The following CDK14 variants were observed in gnomAD, a reference collection of about 807,000 sequenced individuals.
CDK14 encodes the protein cyclin dependent kinase 14.
A neutral mutation model predicts 60.7 loss-of-function variants in CDK14; 34 were observed. That is an observed-to-expected ratio of 0.56 (90% CI 0.43 to 0.75). The LOEUF (loss-of-function observed/expected upper bound fraction) is 0.75. Among genes scored for constraint, CDK14 ranks in the 30% least tolerant of loss-of-function variants. The pLI is 0.00. For missense variants in CDK14, 482 were observed against 564.1 expected (o/e 0.85, Z 1.47); for synonymous variants, 197 against 203.7 (o/e 0.97, Z 0.28).
intron 4 of CDK14, among the ~76,000 whole-genome samples, chr7:90,749,994 G>C (rs1207555142): frequency 6.6e-6 from 1 of 152,100 alleles, no homozygotes; most frequent in Non-Finnish European, 1.5e-5. Context: ...GGTTCTTACT[G>C]ATAAGTGCCA....
intron 4 of CDK14, among the ~76,000 whole-genome samples, chr7:90,770,371 T>G (rs975645929): frequency 2.0e-5 from 3 of 152,248 alleles, no homozygotes; most frequent in African/African-American, 7.2e-5. Flanking sequence ...TTATAGTCTG[T>G]TCTGAGGTTT....
At chr7:90,643,870 TAGTA>T (rs1190072217) in intron 2 of CDK14, among the ~76,000 whole-genome samples, 1 of 152,120 alleles carries the variant, frequency 6.6e-6, no homozygotes, top group Non-Finnish European at 1.5e-5. Flanking sequence ...ATATAGTAGA[TAGTA>T]AGGAGTGAAA....
chr7:90,865,945 A>G (rs1791165391), intron 6 of CDK14, among the ~76,000 whole-genome samples: 1 of 152,082 alleles, frequency 6.6e-6, no homozygotes, highest in Non-Finnish European at 1.5e-5. Context: ...ATTTTTATCA[A>G]TTTTAGTTAG....
At chr7:91,095,954 T>C (rs909340468) in intron 12 of CDK14, among the ~76,000 whole-genome samples, 2 of 148,704 alleles carry the variant, frequency 1.3e-5, no homozygotes, top group Non-Finnish European at 3.0e-5. Flanking sequence ...GTTTTGGAAA[T>C]ACTGTGATGG....
At chr7:90,619,238 G>C (rs955723797) in intron 2 of CDK14, among the ~76,000 whole-genome samples, 4 of 152,126 alleles carry the variant, frequency 2.6e-5, no homozygotes, top group African/African-American at 9.7e-5. Flanking sequence ...ATTTTTCCCT[G>C]TTTTTCTGTG....
intron 10 of CDK14, among the ~76,000 whole-genome samples, chr7:91,016,497 C>T (rs1466610695): frequency 6.6e-6 from 1 of 152,102 alleles, no homozygotes; most frequent in East Asian, 1.9e-4. Flanking sequence ...CCATATGGCT[C>T]CAGCTAGACT....
At chr7:90,724,931 T>A (rs1858767) in intron 2 of CDK14, among the ~76,000 whole-genome samples, 60,763 of 151,896 alleles carry the variant, frequency 0.4, 12,631 homozygotes, top group Non-Finnish European at 0.46. Context: ...TACTTGTAAT[T>A]CATTTTTACT....
chr7:91,189,333 T>G (rs1802284314), intron 14 of CDK14, among the ~76,000 whole-genome samples: 1 of 152,180 alleles, frequency 6.6e-6, no homozygotes, highest in Non-Finnish European at 1.5e-5. Flanking sequence ...TTAGTGTGTG[T>G]GTTCATTATA....
intron 8 of CDK14, among the ~76,000 whole-genome samples, chr7:90,940,583 C>G (rs965302441): frequency 1.3e-5 from 2 of 151,966 alleles, no homozygotes; most frequent in Non-Finnish European, 2.9e-5. Context: ...TCCAGGAATT[C>G]TAGACTAGCC....
chr7:91,197,073 C>G (rs1802565268), intron 14 of CDK14, among the ~76,000 whole-genome samples: 1 of 152,158 alleles, frequency 6.6e-6, no homozygotes, highest in South Asian at 2.1e-4. Context: ...CCATTTTGCA[C>G]TGCCCCCACC....
At chr7:91,096,569 A>G (rs1396330497) in intron 12 of CDK14, among the ~76,000 whole-genome samples, 1 of 152,182 alleles carries the variant, frequency 6.6e-6, no homozygotes, top group Non-Finnish European at 1.5e-5. Flanking sequence ...TGTTTAAAAA[A>G]AAAAGAAAAG....
intron 10 of CDK14, among the ~76,000 whole-genome samples, chr7:91,004,673 C>T (rs140903404): frequency 2.0e-5 from 3 of 152,208 alleles, no homozygotes; most frequent in East Asian, 1.9e-4. Context: ...TGAAGTGAAG[C>T]GGTGAGTAGC....
rs1010634325 is a variant in CDK14 at position 90,836,811 on chromosome 7, C to A, written c.545-26364C>A. On this transcript the variant is annotated intron_variant, in intron 5 of 14. Coordinates refer to ENST00000380050, the MANE Select transcript of CDK14 (RefSeq NM_001287135.2). ...GCATTGACCTACAATGTTATCATGA[C>A]CATGACATTAGTAGGGGCTAGACAT... Among the ~76,000 whole-genome samples, 10 of 152,278 alleles carry A rather than the reference C, an allele frequency of 6.6e-5. No homozygotes were observed. In the East Asian group the frequency reaches 1.7e-3, roughly 26 times the overall value.
At chr7:90,819,442 C>CA (rs1425986097) in intron 5 of CDK14, among the ~76,000 whole-genome samples, 1 of 151,108 alleles carries the variant, frequency 6.6e-6, no homozygotes, top group Non-Finnish European at 1.5e-5. Context: ...TTAGATAACT[C>CA]ATGTTTACTA....
chr7:90,613,612 G>T (rs1799589028), intron 2 of CDK14, among the ~76,000 whole-genome samples: 1 of 152,064 alleles, frequency 6.6e-6, no homozygotes. Context: ...GCTTGAACCT[G>T]GGAGTCAGAG....
At chr7:90,696,963 G>A (rs74387894) in intron 2 of CDK14, among the ~76,000 whole-genome samples, 2 of 152,330 alleles carry the variant, frequency 1.3e-5, no homozygotes, top group East Asian at 3.9e-4. Context: ...GCTGCTGAGA[G>A]GTTCAGATGA....
chr7:91,065,188 A>G (rs1797940204), intron 11 of CDK14, among the ~76,000 whole-genome samples: 1 of 152,218 alleles, frequency 6.6e-6, no homozygotes, highest in Non-Finnish European at 1.5e-5. Flanking sequence ...CAGATGCTTT[A>G]GCCTCACGGG....
At chr7:90,623,494 A>G (rs1799816175) in intron 2 of CDK14, among the ~76,000 whole-genome samples, 1 of 152,228 alleles carries the variant, frequency 6.6e-6, no homozygotes, top group African/African-American at 2.4e-5. Flanking sequence ...AAGGAAAAAA[A>G]GCACAACTGA....
chr7:91,049,019 T>C (rs1797314054), intron 11 of CDK14, among the ~76,000 whole-genome samples: 1 of 151,274 alleles, frequency 6.6e-6, no homozygotes, highest in African/African-American at 2.4e-5. Context: ...GGACTAACTA[T>C]AGGTGATGCC....
Sources: allele counts gnomAD v4.1 joint callset (sites outside exome capture counted in the v4.1 genomes callset), GRCh38; gene constraint gnomAD v4.1.1; transcripts MANE v1.5; gene names NCBI Gene and HGNC (gene_info 2026-07-23, HGNC 2026-07-21).